The following FRMPD4 variants were observed in gnomAD, a reference collection of about 807,000 sequenced individuals.
FRMPD4 encodes the protein FERM and PDZ domain containing 4.
In FRMPD4, 22 loss-of-function variants were observed where a neutral mutation model predicts 94.1. The ratio of observed to expected loss-of-function variants is 0.23; its 90% confidence interval spans 0.17 to 0.33. The LOEUF is 0.33. Ranked by LOEUF, FRMPD4 falls within the 10% of genes least tolerant of loss-of-function variation. The pLI, the probability that FRMPD4 is intolerant of heterozygous loss-of-function variation, is 1.00. For missense variants in FRMPD4, 1,111 were observed against 1,339.9 expected, an observed-to-expected ratio of 0.83 and a Z score of 2.67; for synonymous variants, 631 against 548.6, an observed-to-expected ratio of 1.15 and a Z score of -2.10.
intron 1 of FRMPD4, among the ~76,000 whole-genome samples, chrX:12,254,360 G>A (rs1465632849): frequency 1.8e-5 from 2 of 112,150 alleles, no homozygotes; most frequent in East Asian, 5.6e-4. Context: ...AGATCCAGGT[G>A]AAGACGTCAA....
chrX:11,837,429 T>C (rs1300424727), intron 1 of FRMPD4, among the ~76,000 whole-genome samples: 1 of 111,907 alleles, frequency 8.9e-6, no homozygotes, highest in African/African-American at 3.2e-5. Flanking sequence ...ACATTTCTTC[T>C]ACCTTTGATC....
At chrX:12,442,112 A>T (rs902035843) in intron 1 of FRMPD4, among the ~76,000 whole-genome samples, 2 of 111,607 alleles carry the variant, frequency 1.8e-5, no homozygotes, top group South Asian at 7.6e-4. Context: ...TCCCAGCAAA[A>T]TTATTAATAG....
intron 1 of FRMPD4, among the ~76,000 whole-genome samples, chrX:12,261,666 C>T (rs1252842906): frequency 8.9e-6 from 1 of 112,029 alleles, no homozygotes; most frequent in Non-Finnish European, 1.9e-5. Context: ...ATGTTTTAAA[C>T]TTTATTATAA....
intron 1 of FRMPD4, among the ~76,000 whole-genome samples, chrX:12,451,903 A>G (rs1177998602): frequency 9.1e-6 from 1 of 110,172 alleles, no homozygotes; most frequent in African/African-American, 3.3e-5. Flanking sequence ...TTGAACTTTT[A>G]TCTCTAGCAG....
intron 4 of FRMPD4, among the ~76,000 whole-genome samples, chrX:12,653,278 C>G (rs763670908): frequency 8.9e-6 from 1 of 111,988 alleles, no homozygotes; most frequent in Non-Finnish European, 1.9e-5. Context: ...CCAATAGAAC[C>G]TTTTTATCTT....
intron 3 of FRMPD4, among the ~76,000 whole-genome samples, chrX:12,021,159 A>G (rs1331102203): frequency 8.9e-6 from 1 of 111,890 alleles, no homozygotes; most frequent in Non-Finnish European, 1.9e-5. Context: ...GTGGAGAGGT[A>G]TTTTGCTGAG....
chrX:11,845,941 C>T (rs1421968070), intron 1 of FRMPD4, among the ~76,000 whole-genome samples: 1 of 106,704 alleles, frequency 9.4e-6, no homozygotes, highest in African/African-American at 3.4e-5. Context: ...TGGGCAAAAA[C>T]TGGAAGCATT....
At chrX:12,119,668 TC>T (rs2055438531) in intron 3 of FRMPD4, among the ~76,000 whole-genome samples, 1 of 112,594 alleles carries the variant, frequency 8.9e-6, no homozygotes, top group African/African-American at 3.2e-5. Context: ...TGTGAGAATT[TC>T]CTCAAACATG....
intron 1 of FRMPD4, among the ~76,000 whole-genome samples, chrX:12,280,067 CTTA>C (rs1316731819): frequency 9.1e-6 from 1 of 110,394 alleles, no homozygotes; most frequent in African/African-American, 3.3e-5. Context: ...GGGCACACTG[CTTA>C]TTTAGCGCAC....
chrX:12,170,870 T>A (rs185085370), intron 1 of FRMPD4, among the ~76,000 whole-genome samples: 1 of 113,141 alleles, frequency 8.8e-6, no homozygotes, highest in East Asian at 2.8e-4. Flanking sequence ...CCTTGTTGGG[T>A]TAATATGATG....
chrX:12,586,469 A>G (rs2058929451), intron 2 of FRMPD4, among the ~76,000 whole-genome samples: 1 of 112,776 alleles, frequency 8.9e-6, no homozygotes, highest in South Asian at 3.7e-4. Context: ...AACATTCATC[A>G]TGGTTGGTTG....
chrX:12,128,199 G>A (rs151228321), intron 3 of FRMPD4, among the ~76,000 whole-genome samples: 2,534 of 113,150 alleles, frequency 0.022, 72 homozygotes, highest in African/African-American at 0.077. Flanking sequence ...TGAGGGCTCC[G>A]CCCATGCAGC....
chrX:12,005,993 T>C (rs1237416523), intron 3 of FRMPD4, among the ~76,000 whole-genome samples: 1 of 107,359 alleles, frequency 9.3e-6, no homozygotes, highest in Non-Finnish European at 1.9e-5. Context: ...TATGAGAAAA[T>C]TTTCAGGCTT....
chrX:12,364,155 T>C (rs745887425), intron 1 of FRMPD4, among the ~76,000 whole-genome samples: 5 of 110,437 alleles, frequency 4.5e-5, no homozygotes, highest in African/African-American at 1.0e-4. Flanking sequence ...CACACACACA[T>C]ACACTTCTAA....
At chrX:11,830,181 T>C (rs2053467299) in intron 1 of FRMPD4, among the ~76,000 whole-genome samples, 1 of 111,885 alleles carries the variant, frequency 8.9e-6, no homozygotes, top group Admixed American at 9.5e-5. Flanking sequence ...TGTCTAAATA[T>C]AAGTGGACCC....
chrX:12,402,599 C>A (rs2056621964), intron 1 of FRMPD4, among the ~76,000 whole-genome samples: 1 of 112,283 alleles, frequency 8.9e-6, no homozygotes, highest in South Asian at 3.7e-4. Flanking sequence ...TCAAGGTCCA[C>A]CACTGCTATT....
intron 3 of FRMPD4, among the ~76,000 whole-genome samples, chrX:11,989,573 T>C (rs2054452448): frequency 9.0e-6 from 1 of 111,033 alleles, no homozygotes; most frequent in African/African-American, 3.3e-5. Context: ...AGGCCTAGTA[T>C]TCTAAAGTAC....
Position 12,716,614 on chromosome X carries a change from A to G in FRMPD4, c.2155A>G (p.Ile719Val), listed in dbSNP as rs185697687. ...TGTGGAAAATTCTGTTTATGCAAAC[A>G]TAGGCGATGTGAAGAGCTTCCAGGC... ...QFVENSVYAN[I>V]GDVKSFQAAE... The change falls in exon 15 of 17, where the codon ATA becomes GTA. Residue 719 changes from isoleucine (I) to valine (V), a missense_variant. Around this residue, in one of 8 missense-constraint regions of FRMPD4, gnomAD observed 192 missense variants for 192.5 expected, o/e 1.00. Transcript: ENST00000675598. 48 of 1,209,996 alleles carry G rather than the reference A, an allele frequency of 4.0e-5. No homozygotes were observed. Among genetic ancestry groups the G allele is most frequent in the Admixed American group, 8.7e-5 (4 of 45,806 alleles).
In FRMPD4 at chrX:11,977,673, T is replaced by C. The variant is rs935476861; in HGVS notation, c.95+99655T>C. ...CTCAATCAAATACATTTAAGAAATA[T>C]ATTGATTCAGTTCAGAAAGGCAGGA... On this transcript the variant is annotated intron_variant, in intron 3 of 18. Transcript: ENST00000640291. 2.7e-4 allele frequency among the ~76,000 whole-genome samples: 29 copies of C among 108,848 alleles called. No homozygotes were observed. The Admixed American group carries it at 2.7e-3, about 10-fold the overall frequency. 94.5% of individuals were successfully genotyped at this position (108,848 alleles called of 115,157 possible).
Sources: gnomAD v4.1 joint callset for allele counts (sites outside exome capture counted in the v4.1 genomes callset) on GRCh38, gnomAD v4.1.1 for gene constraint, gnomAD v4.1.1 regional missense constraint, MANE v1.5 for transcripts, NCBI Gene and HGNC (gene_info 2026-07-23, HGNC 2026-07-21) for gene names.